OCA2: variants seen among roughly 807,000 people sequenced by gnomAD.
The protein encoded by OCA2 is OCA2 melanosomal transmembrane protein, also known as P protein.
Under a neutral mutation model 100.2 loss-of-function variants are expected in OCA2, and 77 were observed. The ratio of observed to expected loss-of-function variants is 0.77; its 90% CI spans 0.64 to 0.93. The LOEUF (loss-of-function observed/expected upper bound fraction) is 0.93, where lower values mean the gene tolerates loss of function less well. OCA2 is among the 40% of genes least tolerant of loss of function. The pLI, the probability that OCA2 is intolerant of heterozygous loss-of-function variation, is 0.00. For synonymous variants in OCA2, 432 were observed against 439.2 expected (o/e 0.98, Z 0.21); for missense variants, 1,062 against 1,089.1 (o/e 0.98, Z 0.35).
the OCA2 span, among the ~76,000 whole-genome samples, chr15:27,743,108 C>T: frequency 2.6e-4 from 39 of 152,320 alleles, no homozygotes; most frequent in African/African-American, 7.9e-4. Context: ...CCTCTTAGCA[C>T]CCACATGCTT....
the OCA2 span, among the ~76,000 whole-genome samples, chr15:27,732,534 TC>T: frequency 6.6e-6 from 1 of 151,668 alleles, no homozygotes; most frequent in East Asian, 1.9e-4. Flanking sequence ...GAGACTAGAG[TC>T]CCCTGCATTC....
At chr15:27,803,534 A>G (rs2033700365) in intron 23 of OCA2, among the ~76,000 whole-genome samples, 1 of 152,222 alleles carries the variant, frequency 6.6e-6, no homozygotes, top group Non-Finnish European at 1.5e-5. Flanking sequence ...CCTAGTAGTC[A>G]AGTTCATAGG....
At chr15:27,908,286 T>A (rs2038254405) in intron 19 of OCA2, among the ~76,000 whole-genome samples, 1 of 152,032 alleles carries the variant, frequency 6.6e-6, no homozygotes, top group South Asian at 2.1e-4. Context: ...AATATGATGA[T>A]CTCCATAAAT....
chr15:27,946,942 C>T (rs779567281), intron 18 of OCA2, among the ~76,000 whole-genome samples: 1 of 152,222 alleles, frequency 6.6e-6, no homozygotes, highest in Admixed American at 6.5e-5. Flanking sequence ...GGGCCTGCCC[C>T]ACACTCAGAA....
At chr15:28,070,128 G>A in intron 2 of OCA2, among the ~76,000 whole-genome samples, 1 of 116,434 alleles carries the variant, frequency 8.6e-6, no homozygotes, top group Non-Finnish European at 1.6e-5. Context: ...TCTCTGCCCG[G>A]CCGCCCCGTC....
intron 23 of OCA2, among the ~76,000 whole-genome samples, chr15:27,807,117 C>T (rs2151201355): frequency 6.6e-6 from 1 of 152,282 alleles, no homozygotes; most frequent in South Asian, 2.1e-4. Context: ...TGGGGAAGCC[C>T]TCTACCCATC....
chr15:27,826,717 C>T (rs1386865438), intron 23 of OCA2, among the ~76,000 whole-genome samples: 1 of 152,172 alleles, frequency 6.6e-6, no homozygotes, highest in African/African-American at 2.4e-5. Context: ...GTGGCAAGGC[C>T]AGTGGGCAGA....
chr15:27,772,711 G>T (rs1247442779), intron 23 of OCA2, among the ~76,000 whole-genome samples: 4 of 151,972 alleles, frequency 2.6e-5, no homozygotes, highest in Non-Finnish European at 5.9e-5. Context: ...TGTGGTGGCA[G>T]GCGCCTGTAG....
intron 18 of OCA2, among the ~76,000 whole-genome samples, chr15:27,950,973 G>C (rs937491030): frequency 1.3e-5 from 2 of 152,194 alleles, no homozygotes; most frequent in Non-Finnish European, 2.9e-5. Flanking sequence ...TAAAAGAAAA[G>C]ACTGTGACAC....
intron 23 of OCA2, among the ~76,000 whole-genome samples, chr15:27,819,940 C>T (rs4778121): frequency 0.5 from 76,070 of 151,874 alleles, 19,709 homozygotes; most frequent in South Asian, 0.76. Context: ...TGGAACATAT[C>T]GCAGTGCTCT....
chr15:28,081,787 C>G lies in OCA2; in HGVS notation c.88G>C (p.Glu30Gln), dbSNP rs770810288. Residue 30 changes from glutamate to glutamine, a missense_variant, in exon 2 of 24, where the codon GAA becomes CAA. Coordinates refer to ENST00000354638, the MANE Select transcript of OCA2 (RefSeq NM_000275.3). ...AGCCTGCGCTTGCCGGCCACAAGTT[C>G]AGCGAGTCCGCTGGGCACGGACGTC... ...LQTSVPSGLA[E>Q]LVAGKRRLPR... 2.5e-6 allele frequency: 4 copies of G among 1,613,140 alleles called. No individual in the cohort carries two copies. The South Asian group carries it at 4.4e-5, about 18-fold the overall frequency.
At chr15:27,793,863 C>T (rs1433037335) in intron 23 of OCA2, among the ~76,000 whole-genome samples, 1 of 152,158 alleles carries the variant, frequency 6.6e-6, no homozygotes, top group Non-Finnish European at 1.5e-5. Flanking sequence ...AGATGGCCCT[C>T]CTGGGCTGCG....
At chr15:28,002,197 G>A (rs560380472) in intron 9 of OCA2, among the ~76,000 whole-genome samples, 2 of 152,212 alleles carry the variant, frequency 1.3e-5, no homozygotes, top group Admixed American at 1.3e-4. Flanking sequence ...TGAAGTAGGG[G>A]TGTCCCCCGG....
chr15:28,062,870 T>C (rs922746588), intron 2 of OCA2, among the ~76,000 whole-genome samples: 16 of 152,218 alleles, frequency 1.1e-4, no homozygotes, highest in African/African-American at 3.9e-4. Context: ...AATTTACATA[T>C]AAGAGTTTAT....
intron 15 of OCA2, among the ~76,000 whole-genome samples, chr15:27,960,161 C>A (rs1364832283): frequency 2.6e-5 from 4 of 152,218 alleles, no homozygotes; most frequent in Non-Finnish European, 4.4e-5. Flanking sequence ...TTCTCTCCTA[C>A]CCTTACCTTC....
intron 23 of OCA2, among the ~76,000 whole-genome samples, chr15:27,785,497 T>TTGAGTATCTTTACATTACATAATTA (rs1410522810): frequency 2.0e-5 from 3 of 152,152 alleles, no homozygotes; most frequent in African/African-American, 7.2e-5. Context: ...ATATTACTAA[T>TTGAGTATCTTTACATTACATAATTA]CATTAGGGAA....
At chr15:28,026,417 A>G (rs1355786530) in intron 4 of OCA2, among the ~76,000 whole-genome samples, 12 of 152,186 alleles carry the variant, frequency 7.9e-5, no homozygotes, top group African/African-American at 2.9e-4. Context: ...AACCCCACTC[A>G]CACAATTTCA....
chr15:27,978,720 T>C (rs1308236770), intron 14 of OCA2, among the ~76,000 whole-genome samples: 1 of 150,536 alleles, frequency 6.6e-6, no homozygotes, highest in Non-Finnish European at 1.5e-5. Context: ...GGAGTTTCAC[T>C]CGTCACCCAG....
At chr15:27,956,999 TG>T (rs2040244387) in intron 16 of OCA2, among the ~76,000 whole-genome samples, 1 of 152,200 alleles carries the variant, frequency 6.6e-6, no homozygotes, top group Non-Finnish European at 1.5e-5. Flanking sequence ...CAGCATCCCT[TG>T]GGGGGCCACC....
Sources: gnomAD v4.1 joint callset for allele counts (sites outside exome capture counted in the v4.1 genomes callset) on GRCh38, gnomAD v4.1.1 for gene constraint, MANE v1.5 for transcripts, NCBI Gene and HGNC (gene_info 2026-07-23, HGNC 2026-07-21) for gene names.